Variants in NCALD observed in about 807,000 individuals in gnomAD.
NCALD encodes neurocalcin-delta.
A neutral mutation model predicts 18.6 loss-of-function variants in NCALD; 10 were observed. The observed-to-expected ratio is 0.54, with a 90% CI of 0.33 to 0.91. The LOEUF (loss-of-function observed/expected upper bound fraction) is 0.91. NCALD is among the 40% of genes least tolerant of loss of function. NCALD has a pLI of 0.03. For synonymous variants in NCALD, 88 were observed against 87.4 expected (o/e 1.01, Z -0.04); for missense variants, 184 against 247.6 (o/e 0.74, Z 1.72).
rs142603061 is a variant in NCALD, at chr8:101,983,363, C to G, written c.-157+36874G>C. On this transcript the variant is annotated intron_variant, in intron 2 of 6. Coordinates refer to the NCALD transcript ENST00000311028. ...AAATACCTTAGCCCTCCCCTGTTCCCTAACCCCAGGACTCCGTCCCTATGC... is the reference window on the plus strand; with the variant it reads ...AAATACCTTAGCCCTCCCCTGTTCCGTAACCCCAGGACTCCGTCCCTATGC... Among the ~76,000 whole-genome samples, 1,262 of 152,334 alleles carry G rather than the reference C, an allele frequency of 8.3e-3. 13 individuals carry two copies. The highest frequency in any genetic ancestry group is 0.028 in the African/African-American group (1,173 of 41,582).
chr8:101,925,842 TTGTC>T (rs1217914277), intron 2 of NCALD, among the ~76,000 whole-genome samples: 37 of 152,214 alleles, frequency 2.4e-4, no homozygotes, highest in Admixed American at 2.4e-3. Context: ...GAATGATTGA[TTGTC>T]TGGAAAGACA....
intron 2 of NCALD, among the ~76,000 whole-genome samples, chr8:101,972,886 G>A (rs1317618602): frequency 2.6e-5 from 4 of 152,070 alleles, no homozygotes; most frequent in Non-Finnish European, 5.9e-5. Flanking sequence ...ACTGAGGATC[G>A]GCTCACAACA....
chr8:101,729,761 G>A (rs1327482018), intron 1 of NCALD, among the ~76,000 whole-genome samples: 1 of 152,176 alleles, frequency 6.6e-6, no homozygotes, highest in Non-Finnish European at 1.5e-5. Flanking sequence ...CAAAATATCA[G>A]AGACCTTGCT....
At chr8:101,721,249 A>G (rs1816342571) in intron 1 of NCALD, 1 of 152,306 alleles carries the variant, frequency 6.6e-6, no homozygotes, top group South Asian at 2.1e-4. Flanking sequence ...ATGATTGCCA[A>G]TCTTCTTTGC....
intron 2 of NCALD, among the ~76,000 whole-genome samples, chr8:101,923,971 A>C (rs1258530691): frequency 6.6e-6 from 1 of 152,190 alleles, no homozygotes; most frequent in Non-Finnish European, 1.5e-5. Flanking sequence ...GATTTGCTAC[A>C]TGGGTAAATT....
chr8:102,016,476 G>A (rs1019507845), intron 2 of NCALD, among the ~76,000 whole-genome samples: 1 of 152,166 alleles, frequency 6.6e-6, no homozygotes, highest in Non-Finnish European at 1.5e-5. Context: ...CCCCTTTGTG[G>A]AGCAAGGATG....
chr8:102,027,280 A>G (rs1822492309), intron 1 of NCALD, among the ~76,000 whole-genome samples: 3 of 152,174 alleles, frequency 2.0e-5, no homozygotes, highest in South Asian at 4.1e-4. Context: ...AATTTTCCAA[A>G]TTTTTATGAT....
chr8:101,714,364 C>A (rs907793419), intron 2 of NCALD, among the ~76,000 whole-genome samples: 1 of 152,042 alleles, frequency 6.6e-6, no homozygotes, highest in Non-Finnish European at 1.5e-5. Flanking sequence ...AAACAGAGAG[C>A]CAAATCATGA....
chr8:101,693,323 T>TG (rs1814826644), intron 2 of NCALD: 1 of 84,896 alleles, frequency 1.2e-5, no homozygotes. Context: ...AGGGCGTTTT[T>TG]TTTTTTTTTT....
At chr8:101,949,547 C>T (rs7838556) in intron 2 of NCALD, among the ~76,000 whole-genome samples, 55,223 of 151,486 alleles carry the variant, frequency 0.36, 10,355 homozygotes, top group South Asian at 0.44. Context: ...TCGGCCTCCC[C>T]GTCTGTCATA....
At chr8:102,094,318 G>A (rs1053639695) in intron 1 of NCALD, among the ~76,000 whole-genome samples, 2 of 152,210 alleles carry the variant, frequency 1.3e-5, no homozygotes, top group Non-Finnish European at 2.9e-5. Flanking sequence ...ACCAGGCACT[G>A]TACCAGATGC....
intron 1 of NCALD, among the ~76,000 whole-genome samples, chr8:102,020,902 C>G (rs866442587): frequency 6.6e-6 from 1 of 152,112 alleles, no homozygotes; most frequent in Non-Finnish European, 1.5e-5. Flanking sequence ...CAGCTCCCAG[C>G]GTTCATACAC....
At chr8:101,857,738 A>T (rs949306356) in intron 4 of NCALD, among the ~76,000 whole-genome samples, 1 of 152,266 alleles carries the variant, frequency 6.6e-6, no homozygotes, top group South Asian at 2.1e-4. Flanking sequence ...TCCGCTTTGG[A>T]GAGTTTTGGG....
At chr8:102,019,151 A>C in intron 2 of NCALD, among the ~76,000 whole-genome samples, 1 of 152,086 alleles carries the variant, frequency 6.6e-6, no homozygotes, top group South Asian at 2.1e-4. Context: ...TGGCCAATTA[A>C]TATATGAAAT....
chr8:101,947,452 C>A (rs1345263638), intron 2 of NCALD, among the ~76,000 whole-genome samples: 1 of 152,168 alleles, frequency 6.6e-6, no homozygotes, highest in Non-Finnish European at 1.5e-5. Context: ...ATTCACCTTA[C>A]AGTCATGATC....
At chr8:101,977,549 C>T (rs1187138182) in intron 2 of NCALD, among the ~76,000 whole-genome samples, 1 of 152,238 alleles carries the variant, frequency 6.6e-6, no homozygotes, top group Non-Finnish European at 1.5e-5. Flanking sequence ...TTGTTATTAA[C>T]ATGGGGCTTG....
intron 2 of NCALD, among the ~76,000 whole-genome samples, chr8:101,980,589 A>C (rs1174035645): frequency 6.6e-6 from 1 of 152,242 alleles, no homozygotes; most frequent in Admixed American, 6.5e-5. Flanking sequence ...AAGAAAACTT[A>C]GGGGACACAA....
At chr8:102,078,878 A>G (rs987141274) in intron 1 of NCALD, among the ~76,000 whole-genome samples, 1 of 152,230 alleles carries the variant, frequency 6.6e-6, no homozygotes, top group African/African-American at 2.4e-5. Flanking sequence ...AATCTTCCAC[A>G]GGAGACCAGG....
intron 4 of NCALD, among the ~76,000 whole-genome samples, chr8:101,857,611 A>G (rs1456887513): frequency 6.6e-6 from 1 of 152,222 alleles, no homozygotes; most frequent in East Asian, 1.9e-4. Context: ...TGCATGCAGA[A>G]GAGGACAGGA....
Sources: allele counts gnomAD v4.1 joint callset (sites outside exome capture counted in the v4.1 genomes callset), GRCh38; gene constraint gnomAD v4.1.1; transcripts MANE v1.5; gene names NCBI Gene and HGNC (gene_info 2026-07-23, HGNC 2026-07-21).